The following PKNOX1 variants were observed in gnomAD, a reference collection of about 807,000 sequenced individuals.
The protein encoded by PKNOX1 is homeobox protein PKNOX1.
In PKNOX1, 15 loss-of-function variants were observed where a neutral mutation model predicts 51.9. That is an observed-to-expected ratio of 0.29 (90% CI 0.19 to 0.45). The LOEUF is 0.45. Ranked by LOEUF, PKNOX1 falls within the 20% of genes least tolerant of loss-of-function variation. The probability of loss-of-function intolerance (pLI) is 1.00; values close to 1 mark genes in which losing one functional copy is unlikely to be tolerated. For missense variants in PKNOX1, 462 were observed against 547.5 expected (o/e 0.84, Z 1.56); for synonymous variants, 219 against 211.1 (o/e 1.04, Z -0.32).
At chr21:43,023,526 T>A (rs1268646811) in intron 8 of PKNOX1, among the ~76,000 whole-genome samples, 3 of 152,198 alleles carry the variant, frequency 2.0e-5, no homozygotes, top group African/African-American at 7.2e-5. Context: ...TCGTGTTGGT[T>A]TCCACATATA....
chr21:42,980,760 C>T (rs1049573824), intron 1 of PKNOX1, among the ~76,000 whole-genome samples: 4 of 151,734 alleles, frequency 2.6e-5, no homozygotes, highest in African/African-American at 9.7e-5. Flanking sequence ...GGAGTAGTGA[C>T]GAGATTTTTT....
chr21:43,006,015 C>A (rs1055444570), intron 2 of PKNOX1, among the ~76,000 whole-genome samples: 2 of 152,086 alleles, frequency 1.3e-5, no homozygotes, highest in Non-Finnish European at 2.9e-5. Flanking sequence ...AATTATTTTG[C>A]CATTTTTCCA....
At chr21:43,001,059 A>G (rs1028458809) in intron 1 of PKNOX1, among the ~76,000 whole-genome samples, 1 of 152,146 alleles carries the variant, frequency 6.6e-6, no homozygotes, top group African/African-American at 2.4e-5. Flanking sequence ...GAGGGAAAGC[A>G]GAGATTTGGA....
chr21:43,024,283 C>G (rs888354058), intron 8 of PKNOX1, among the ~76,000 whole-genome samples: 2 of 152,142 alleles, frequency 1.3e-5, no homozygotes, highest in African/African-American at 4.8e-5. Flanking sequence ...CCTGTTTCAC[C>G]AGCTGTGGGA....
chr21:42,985,320 T>G (rs1015259227), intron 1 of PKNOX1, among the ~76,000 whole-genome samples: 1 of 151,952 alleles, frequency 6.6e-6, no homozygotes, highest in Non-Finnish European at 1.5e-5. Context: ...TTTTGTTTGT[T>G]TTTTGGTTTT....
chr21:42,987,404 A>AAAAAAATATATATATATATATATATATAT, intron 1 of PKNOX1, among the ~76,000 whole-genome samples: 3 of 41,406 alleles, frequency 7.2e-5, no homozygotes, highest in African/African-American at 9.3e-5. Context: ...AAAAAAAAAA[A>AAAAAAATATATATATATATATATATATAT]ATATATATAT....
intron 7 of PKNOX1, among the ~76,000 whole-genome samples, chr21:43,019,949 T>G (rs1979683254): frequency 2.4e-5 from 2 of 83,986 alleles, no homozygotes; most frequent in Non-Finnish European, 4.9e-5. Context: ...TTTTTTTTTT[T>G]TAAGAGACGG....
At chr21:43,014,364 G>A (rs1282855981) in intron 5 of PKNOX1, among the ~76,000 whole-genome samples, 2 of 151,924 alleles carry the variant, frequency 1.3e-5, no homozygotes, top group African/African-American at 4.8e-5. Flanking sequence ...TAACTTCTGA[G>A]TGTTGAGAGT....
chr21:43,007,977 T>A lies in PKNOX1; in HGVS notation c.179+359T>A, dbSNP rs186130428. On this transcript the variant is annotated intron_variant, in intron 3 of 10. Transcript: ENST00000291547. ...TACTTGGGAGGCTGAGGCAGGAGAA[T>A]CACTTGAACCGGGGAGGCGGAGGTT... Among the ~76,000 whole-genome samples, 8 of 151,362 alleles carry A rather than the reference T, an allele frequency of 5.3e-5. No individual in the cohort carries two copies. In the East Asian group the frequency reaches 1.6e-3, roughly 29 times the overall value.
intron 2 of PKNOX1, among the ~76,000 whole-genome samples, chr21:43,005,983 A>G (rs1978971533): frequency 6.6e-6 from 1 of 152,202 alleles, no homozygotes; most frequent in Non-Finnish European, 1.5e-5. Context: ...ATTGAAATAT[A>G]TCTACAGCGT....
At position 42,991,501 on chromosome 21, in the gene PKNOX1, A is replaced by C. The variant is rs374277156; in HGVS notation, c.-56-12825A>C. ...CAGCACTTTGGGAGATCGAGGCAGT[A>C]GGATCATGAGGTCAGGAGATTGAGA... On this transcript the variant is annotated intron_variant, in intron 1 of 10. Coordinates refer to ENST00000291547, the MANE Select transcript of PKNOX1 (RefSeq NM_004571.5). Among the ~76,000 whole-genome samples the C allele has an allele frequency of 5.3e-5, 8 of 152,242 alleles. No individual in the cohort carries two copies. The South Asian group carries it at 6.2e-4, about 12-fold the overall frequency.
chr21:42,997,023 G>A (rs1023971752), intron 1 of PKNOX1, among the ~76,000 whole-genome samples: 4 of 151,628 alleles, frequency 2.6e-5, no homozygotes, highest in African/African-American at 9.7e-5. Context: ...TGGGACTATA[G>A]GCATGTGCCA....
chr21:43,032,314 T>TTCACTCACCACCCTCCGTCTCTTCG lies in PKNOX1; in HGVS notation c.*2215_*2216insACTCACCACCCTCCGTCTCTTCGTC. The TTCACTCACCACCCTCCGTCTCTTCG allele has an allele frequency of 4.8e-6, 2 of 414,962 alleles. No individual in the cohort carries two copies. Among genetic ancestry groups the TTCACTCACCACCCTCCGTCTCTTCG allele is most frequent in the Non-Finnish European group, 4.9e-6 (1 of 202,554 alleles). The allele number at this position is 414,962 out of a possible 1,614,324, so 25.7% of individuals were successfully genotyped here. A position where few individuals can be genotyped will look rare whatever the true frequency, so the allele number is the denominator to read the frequency against. On this transcript the variant is annotated 3_prime_UTR_variant, in exon 11 of 11. Transcript: ENST00000291547. The stretch of plus-strand genomic sequence containing the variant: ...ATGAAAGCCAGCCAGCCCTTCCTCC[T>TTCACTCACCACCCTCCGTCTCTTCG]TCCCTCACCACCCTCCGTCTCTTCG...
chr21:43,010,032 T>A (rs1979179728), intron 3 of PKNOX1, 21 bp from the exon 4 acceptor site: 1 of 1,488,120 alleles, frequency 6.7e-7, no homozygotes, highest in East Asian at 2.4e-5. Flanking sequence ...AAATGGATTC[T>A]TTTTTTTCTT....
chr21:42,992,376 G>A (rs1276570796), intron 1 of PKNOX1, among the ~76,000 whole-genome samples: 1 of 152,154 alleles, frequency 6.6e-6, no homozygotes. Flanking sequence ...CCTCAACAGG[G>A]AAACAAGGAC....
At chr21:42,985,788 C>T (rs1327734430) in intron 1 of PKNOX1, among the ~76,000 whole-genome samples, 2 of 150,418 alleles carry the variant, frequency 1.3e-5, no homozygotes, top group African/African-American at 2.4e-5. Context: ...GACTTGAGAC[C>T]AGGAGTTTGA....
At chr21:43,001,369 C>T (rs967154400) in intron 1 of PKNOX1, among the ~76,000 whole-genome samples, 3 of 152,202 alleles carry the variant, frequency 2.0e-5, no homozygotes, top group African/African-American at 7.2e-5. Context: ...AGCCTTCTCC[C>T]TGCAGGCTCT....
chr21:43,007,075 G>T (rs1003568308), intron 2 of PKNOX1, among the ~76,000 whole-genome samples: 1 of 152,158 alleles, frequency 6.6e-6, no homozygotes, highest in Non-Finnish European at 1.5e-5. Flanking sequence ...GTTCAACCTT[G>T]TCCCAAATAT....
At chr21:43,006,794 G>A (rs909051427) in intron 2 of PKNOX1, among the ~76,000 whole-genome samples, 1 of 152,172 alleles carries the variant, frequency 6.6e-6, no homozygotes, top group East Asian at 1.9e-4. Context: ...GGCCCGTCCT[G>A]GTCCTGAGGA....
Sources: allele counts gnomAD v4.1 joint callset (sites outside exome capture counted in the v4.1 genomes callset), GRCh38; gene constraint gnomAD v4.1.1; transcripts MANE v1.5; gene names NCBI Gene and HGNC (gene_info 2026-07-23, HGNC 2026-07-21).